The following SAMD11 variants were observed in gnomAD, a reference collection of about 807,000 sequenced individuals.
The protein encoded by SAMD11 is sterile alpha motif domain-containing protein 11.
A neutral mutation model predicts 64.4 loss-of-function variants in SAMD11; 77 were observed. The ratio of observed to expected loss-of-function variants is 1.20; its 90% CI spans 0.99 to 1.44. The LOEUF is 1.44. Ranked by LOEUF, SAMD11 falls within the 40% of genes most tolerant of loss-of-function variation. SAMD11 has a pLI of 0.00. For synonymous variants in SAMD11, 658 were observed against 421.9 expected (o/e 1.56, Z -6.86); for missense variants, 1,402 against 943.3 (o/e 1.49, Z -6.37).
rs1308637790 is a variant in SAMD11, at chr1:942,728, C to T, written c.1723C>T (p.Pro575Ser). ...HGAAPLLALP[P>S]QGPPGSGPPT... is the part of the protein sequence containing the mutation. The stretch of plus-strand genomic sequence containing the variant: ...CGCGGCGCCACTGCTGGCCCTGCCC[C>T]CCCAGGGGCCCCCGGGCTCCGGACC... The change falls in exon 11 of 14, where the codon CCC becomes TCC. Residue 575 changes from proline (P) to serine (S), a missense_variant. Transcript: ENST00000616016. 4 of 1,470,202 alleles carry T rather than the reference C, an allele frequency of 2.7e-6. No homozygotes were observed. Among genetic ancestry groups the T allele is most frequent in the East Asian group, 2.7e-5 (1 of 36,848 alleles). 91.1% of individuals were successfully genotyped at this position (1,470,202 alleles called of 1,614,324 possible). A position where few individuals can be genotyped will look rare whatever the true frequency, so the allele number is the denominator to read the frequency against.
chr1:936,174 C>T (rs1234016206), intron 5 of SAMD11, among the ~76,000 whole-genome samples: 1 of 152,228 alleles, frequency 6.6e-6, no homozygotes, highest in Non-Finnish European at 1.5e-5. Flanking sequence ...GGCGTGGCCT[C>T]AGAGGTTCAG....
rs1353793000 is a variant in SAMD11 at position 943,734 on chromosome 1, C to T, written c.2215C>T (p.Pro739Ser). Reference protein sequence around the residue: ...REQGIDGETLPLLTEEHLLTN... With the variant: ...REQGIDGETLSLLTEEHLLTN... ...GCAGGGGATCGACGGGGAGACCCTG[C>T]CACTGCTGACGGAGGAGCACCTGCT... Residue 739 changes from proline (P) to serine (S), a missense_variant, in exon 13 of 14, where the codon CCA becomes TCA. Transcript: ENST00000616016. The T allele has an allele frequency of 1.9e-6, 3 of 1,604,030 alleles. No individual in the cohort carries two copies. The highest frequency in any genetic ancestry group is 2.6e-6 in the Non-Finnish European group (3 of 1,174,418).
chr1:937,396 G>T (rs1569895069), intron 5 of SAMD11, among the ~76,000 whole-genome samples: 1 of 134,642 alleles, frequency 7.4e-6, no homozygotes, highest in Non-Finnish European at 1.6e-5. Context: ...CCTTCCACCT[G>T]CCCCCCCCCC....
chr1:936,009 G>A (rs1373292623), intron 5 of SAMD11, 113 bp downstream of exon 5: 39 of 1,146,412 alleles, frequency 3.4e-5, no homozygotes, highest in Middle Eastern at 5.7e-4. Flanking sequence ...CAGGAGGAGC[G>A]GCCTGTCCCC....
In SAMD11 at chr1:942,245, AC is replaced by A; in HGVS notation, c.1472del (p.Pro491GlnfsTer73). 2 of 1,286,184 alleles carry A rather than the reference AC, an allele frequency of 1.6e-6. No individual in the cohort carries two copies. The highest frequency in any genetic ancestry group is 2.0e-6 in the Non-Finnish European group (2 of 988,058). The allele number at this position is 1,286,184 out of a possible 1,614,324, so 79.7% of individuals were successfully genotyped here. On this transcript the variant is annotated frameshift_variant, in exon 9 of 14. Coordinates refer to ENST00000616016, the MANE Select transcript of SAMD11 (RefSeq NM_001385641.1). LOFTEE classifies it high-confidence loss of function. ...FLGVPSALCQ[T>X]PGYGFLPPAQ... Reference sequence around the variant, plus strand: ...GGGGGTGCCCTCGGCTCTGTGCCAGACCCCAGGTGAGGAGGCGGGTGCGCAT... The same window carrying A: ...GGGGGTGCCCTCGGCTCTGTGCCAGACCCAGGTGAGGAGGCGGGTGCGCAT...
chr1:943,840 C>T (rs780854246), intron 13 of SAMD11, 32 bp downstream of exon 13: 23 of 1,612,866 alleles, frequency 1.4e-5, no homozygotes, highest in Non-Finnish European at 1.9e-5. Flanking sequence ...TCAGGGTCTC[C>T]AGACCACAGC....
intron 5 of SAMD11, among the ~76,000 whole-genome samples, chr1:936,399 C>G (rs1401831188): frequency 6.6e-6 from 1 of 150,478 alleles, no homozygotes. Context: ...CCGGTCCCGC[C>G]TCCTAGGGCT....
At chr1:935,950 G>C in intron 5 of SAMD11, 54 bp downstream of exon 5, 6 of 1,574,160 alleles carry the variant, frequency 3.8e-6, no homozygotes, top group Non-Finnish European at 5.2e-6. Context: ...GCCAGAGGAC[G>C]GTGGCGTCTC....
At chr1:926,308 G>A (rs1569859100) in intron 2 of SAMD11, among the ~76,000 whole-genome samples, 1 of 152,360 alleles carries the variant, frequency 6.6e-6, no homozygotes, top group Non-Finnish European at 1.5e-5. Context: ...CGAGTCCTGG[G>A]TCAGGGTCTT....
At chr1:936,085 G>A (rs1225829206) in intron 5 of SAMD11, among the ~76,000 whole-genome samples, 189 bp downstream of exon 5, 1 of 152,244 alleles carries the variant, frequency 6.6e-6, no homozygotes, top group Admixed American at 6.5e-5. Context: ...GGCAGAGGCG[G>A]TGGCTCCGCT....
chr1:937,420 C>G (rs1374584747), intron 5 of SAMD11, among the ~76,000 whole-genome samples: 2 of 151,530 alleles, frequency 1.3e-5, no homozygotes, highest in South Asian at 2.1e-4. Flanking sequence ...CCAGTCACCT[C>G]CCCCAGGCTA....
chr1:930,520 G>A (rs567509235), intron 3 of SAMD11, among the ~76,000 whole-genome samples, 184 bp downstream of exon 3: 19 of 152,254 alleles, frequency 1.2e-4, no homozygotes, highest in Admixed American at 2.0e-4. Flanking sequence ...CCTGTCTGGC[G>A]TCCCCTCCCA....
Position 943,774 on chromosome 1 carries a change from T to TGAAGCTGGGGCC in SAMD11, c.2256_2267dup (p.Lys753_Pro756dup), listed in dbSNP as rs772585095. The TGAAGCTGGGGCC allele has an allele frequency of 7.4e-6, 12 of 1,612,312 alleles. No individual in the cohort carries two copies. Among genetic ancestry groups the TGAAGCTGGGGCC allele is most frequent in the Admixed American group, 3.3e-5 (2 of 59,980 alleles). On this transcript the variant is annotated inframe_insertion, in exon 13 of 14. Transcript: ENST00000616016. ...GAGCACCTGCTGACCAACATGGGGCTGAAGCTGGGGCCCGCCCTCAAGATC... is the reference window on the plus strand; with the variant it reads ...GAGCACCTGCTGACCAACATGGGGCTGAAGCTGGGGCCGAAGCTGGGGCCCGCCCTCAAGATC...
intron 11 of SAMD11, 36 bp from the exon 12 acceptor site, chr1:943,217 C>A: frequency 6.2e-7 from 1 of 1,611,264 alleles, no homozygotes; most frequent in Non-Finnish European, 8.5e-7. Context: ...TATGGGAAAG[C>A]CAGCCAGAGC....
chr1:930,269 C>T lies in SAMD11; in HGVS notation c.724C>T (p.Pro242Ser). The T allele has an allele frequency of 6.2e-7, 1 of 1,608,474 alleles. No homozygotes were observed. The highest frequency in any genetic ancestry group is 8.5e-7 in the Non-Finnish European group (1 of 1,177,940). The change falls in exon 3 of 14, where the codon CCC (proline) becomes TCC (serine). Residue 242 changes from proline (P) to serine (S), a missense_variant. Coordinates refer to ENST00000616016, the MANE Select transcript of SAMD11 (RefSeq NM_001385641.1). ...CGATGGTGACAGCGACGGGAGTGGCCCCACCTGTGGGCGGCGGCCAGGCTT... is the reference window on the plus strand; with the variant it reads ...CGATGGTGACAGCGACGGGAGTGGCTCCACCTGTGGGCGGCGGCCAGGCTT... ...ASDGDSDGSG[P>S]TCGRRPGLKQ...
At chr1:927,884 G>A (rs954524817) in intron 2 of SAMD11, among the ~76,000 whole-genome samples, 2 of 152,252 alleles carry the variant, frequency 1.3e-5, no homozygotes, top group Non-Finnish European at 2.9e-5. Context: ...CTCCAGACCT[G>A]CCCTCCAGGT....
At chr1:929,179 T>G (rs1641049446) in intron 2 of SAMD11, among the ~76,000 whole-genome samples, 1 of 152,210 alleles carries the variant, frequency 6.6e-6, no homozygotes, top group South Asian at 2.1e-4. Flanking sequence ...GGCGCTGGTG[T>G]GCTGTGCAGG....
At position 942,210 on chromosome 1, in the gene SAMD11, C is replaced by A; in HGVS notation, c.1433C>A (p.Pro478His). 2 of 1,364,264 alleles carry A rather than the reference C, an allele frequency of 1.5e-6. No homozygotes were observed. The highest frequency in any genetic ancestry group is 1.8e-5 in the South Asian group (1 of 56,878). The allele number at this position is 1,364,264 out of a possible 1,614,324, so 84.5% of individuals were successfully genotyped here. The change falls in exon 9 of 14, where the codon CCC becomes CAC. Residue 478 changes from proline (P) to histidine (H), a missense_variant. Physicochemically the swap from Pro to His is moderately conservative, Grantham distance 77. Coordinates refer to ENST00000616016, the MANE Select transcript of SAMD11 (RefSeq NM_001385641.1). ...GTCGCCCTGGGCCCCCATCTCAGGCCCCCCTTCCTGGGGGTGCCCTCGGCT... is the reference window on the plus strand; with the variant it reads ...GTCGCCCTGGGCCCCCATCTCAGGCACCCCTTCCTGGGGGTGCCCTCGGCT... ...PHVALGPHLR[P>H]PFLGVPSALC...
At chr1:932,647 C>T (rs1327108966) in intron 4 of SAMD11, among the ~76,000 whole-genome samples, 1 of 152,224 alleles carries the variant, frequency 6.6e-6, no homozygotes, top group South Asian at 2.1e-4. Context: ...CCTTCTGCCT[C>T]TGCAGGCTCC....
Sources: allele counts gnomAD v4.1 joint callset (sites outside exome capture counted in the v4.1 genomes callset), GRCh38; gene constraint gnomAD v4.1.1; transcripts MANE v1.5; gene names NCBI Gene and HGNC (gene_info 2026-07-23, HGNC 2026-07-21).